TRPC7: variants seen among roughly 807,000 people sequenced by gnomAD.
The protein encoded by TRPC7 is transient receptor potential cation channel subfamily C member 7.
TRPC7 carries 42 observed loss-of-function variants against 90.1 expected under a neutral mutation model. The observed-to-expected ratio is 0.47, with a 90% CI of 0.36 to 0.60. TRPC7 has a LOEUF of 0.60. Among genes scored for constraint, TRPC7 ranks in the 20% least tolerant of loss-of-function variants. The pLI, the probability that TRPC7 is intolerant of heterozygous loss-of-function variation, is 0.00. For missense variants in TRPC7, 955 were observed against 1,112.3 expected, an observed-to-expected ratio of 0.86 and a Z score of 2.01; for synonymous variants, 451 against 436.3, an observed-to-expected ratio of 1.03 and a Z score of -0.42.
chr5:136,359,198 T>G (rs1418513757), intron 1 of TRPC7, among the ~76,000 whole-genome samples: 2 of 152,218 alleles, frequency 1.3e-5, no homozygotes, highest in Non-Finnish European at 2.9e-5. Flanking sequence ...TTTAGCTCCT[T>G]GGGGGCCGTA....
At chr5:136,310,274 T>C (rs1758783492) in intron 3 of TRPC7, among the ~76,000 whole-genome samples, 1 of 152,242 alleles carries the variant, frequency 6.6e-6, no homozygotes, top group Non-Finnish European at 1.5e-5. Flanking sequence ...CCTCATTTTT[T>C]AGCTTTAAGA....
At chr5:136,356,365 GCA>G (rs2149861216) in intron 2 of TRPC7, among the ~76,000 whole-genome samples, 2 of 152,272 alleles carry the variant, frequency 1.3e-5, no homozygotes, top group East Asian at 3.9e-4. Flanking sequence ...TTTACTGCAT[GCA>G]TTTGTACTCA....
chr5:136,222,577 C>G (rs1332205006), intron 10 of TRPC7, among the ~76,000 whole-genome samples: 1 of 152,226 alleles, frequency 6.6e-6, no homozygotes, highest in Non-Finnish European at 1.5e-5. Flanking sequence ...CAGATCCCCC[C>G]TCAAATTGTC....
intron 5 of TRPC7, among the ~76,000 whole-genome samples, chr5:136,257,459 G>A (rs1177061430): frequency 6.6e-6 from 1 of 152,130 alleles, no homozygotes; most frequent in African/African-American, 2.4e-5. Flanking sequence ...GGGATTGCAG[G>A]CATGAGCCAC....
intron 2 of TRPC7, among the ~76,000 whole-genome samples, chr5:136,319,420 C>T (rs1759123821): frequency 6.6e-6 from 1 of 152,140 alleles, no homozygotes; most frequent in Non-Finnish European, 1.5e-5. Flanking sequence ...CATCTTCTCC[C>T]TTTCCCTACT....
intron 6 of TRPC7, among the ~76,000 whole-genome samples, chr5:136,249,695 G>A (rs1172828640): frequency 1.3e-5 from 2 of 152,220 alleles, no homozygotes; most frequent in Non-Finnish European, 2.9e-5. Flanking sequence ...CTTGTAAAGA[G>A]TTGTGATGAG....
intron 2 of TRPC7, among the ~76,000 whole-genome samples, chr5:136,320,467 C>G (rs1042137228): frequency 2.0e-5 from 3 of 152,282 alleles, no homozygotes; most frequent in African/African-American, 7.2e-5. Flanking sequence ...CAAAGGCTCC[C>G]TATCCAAAGT....
intron 2 of TRPC7, among the ~76,000 whole-genome samples, chr5:136,338,857 T>C (rs1429239062): frequency 1.3e-5 from 2 of 152,004 alleles, no homozygotes; most frequent in African/African-American, 4.8e-5. Flanking sequence ...AACCATGAAT[T>C]GTTACCACTC....
At chr5:136,239,978 G>T (rs1359559107) in intron 7 of TRPC7, among the ~76,000 whole-genome samples, 1 of 152,146 alleles carries the variant, frequency 6.6e-6, no homozygotes, top group Non-Finnish European at 1.5e-5. Context: ...CACCCTTCAT[G>T]CAGTTGCCAC....
intron 5 of TRPC7, among the ~76,000 whole-genome samples, chr5:136,252,943 A>G (rs962196020): frequency 6.6e-6 from 1 of 152,208 alleles, no homozygotes; most frequent in Non-Finnish European, 1.5e-5. Context: ...CTAATAGTTG[A>G]TGAGTATCCT....
intron 3 of TRPC7, among the ~76,000 whole-genome samples, chr5:136,313,002 A>C (rs1482752423): frequency 8.0e-6 from 1 of 124,368 alleles, no homozygotes; most frequent in Non-Finnish European, 1.6e-5. Context: ...TTTTTAATAG[A>C]GACAGGGTCT....
At chr5:136,302,414 G>T (rs760149266) in intron 3 of TRPC7, among the ~76,000 whole-genome samples, 1 of 152,084 alleles carries the variant, frequency 6.6e-6, no homozygotes, top group African/African-American at 2.4e-5. Context: ...GGCAAGTCCC[G>T]CTTTTCTAGG....
intron 3 of TRPC7, chr5:136,314,065 A>G (rs1335324134): frequency 6.6e-6 from 1 of 152,244 alleles, no homozygotes; most frequent in Non-Finnish European, 1.5e-5. Context: ...CCCACATGCC[A>G]TGGACTGTTG....
chr5:136,334,521 C>T (rs1237142906), intron 2 of TRPC7, among the ~76,000 whole-genome samples: 1 of 152,206 alleles, frequency 6.6e-6, no homozygotes, highest in Non-Finnish European at 1.5e-5. Flanking sequence ...TCCTCTTTGT[C>T]ACCTCTGAGA....
chr5:136,242,240 C>T lies in TRPC7; in HGVS notation c.1844+5231G>A, dbSNP rs989977965. ...CGATTTTGTACTCTGAGAGCATAAA[C>T]CTTGTCTGAACATTTTTCCTTTCCT... On this transcript the variant is annotated intron_variant, in intron 7 of 11. Transcript: ENST00000513104. 3.9e-5 allele frequency among the ~76,000 whole-genome samples: 6 copies of T among 152,304 alleles called. No homozygotes were observed. The South Asian group carries it at 1.0e-3, about 26-fold the overall frequency.
At chr5:136,306,302 C>T (rs1377254996) in intron 3 of TRPC7, among the ~76,000 whole-genome samples, 1 of 152,148 alleles carries the variant, frequency 6.6e-6, no homozygotes, top group African/African-American at 2.4e-5. Context: ...TTTTTCAATT[C>T]ATACAAAACC....
chr5:136,269,174 G>T (rs185770933), intron 4 of TRPC7, among the ~76,000 whole-genome samples: 1 of 152,312 alleles, frequency 6.6e-6, no homozygotes, highest in East Asian at 1.9e-4. Flanking sequence ...CCCAAAAAAT[G>T]TGGGCTAAAG....
intron 5 of TRPC7, among the ~76,000 whole-genome samples, chr5:136,263,163 A>G (rs1265229333): frequency 6.6e-6 from 1 of 152,204 alleles, no homozygotes; most frequent in African/African-American, 2.4e-5. Context: ...GAGATATTCG[A>G]GCTCTGATCA....
At position 136,340,662 on chromosome 5, in the gene TRPC7, G is replaced by A. The variant is rs183200907; in HGVS notation, c.780+15946C>T. Reference sequence around the variant, plus strand: ...ACTGAAAAAACTCACAAATAAGAAAGCATAAAATTTGAATAAATTTTCCGT... The same window carrying A: ...ACTGAAAAAACTCACAAATAAGAAAACATAAAATTTGAATAAATTTTCCGT... On this transcript the variant is annotated intron_variant, in intron 2 of 11. Transcript: ENST00000513104. Among the ~76,000 whole-genome samples, 938 of 151,848 alleles carry A rather than the reference G, an allele frequency of 6.2e-3. 7 individuals carry two copies. The highest frequency in any genetic ancestry group is 9.7e-3 in the Non-Finnish European group (662 of 67,934).
Sources: gnomAD v4.1 joint callset for allele counts (sites outside exome capture counted in the v4.1 genomes callset) on GRCh38, gnomAD v4.1.1 for gene constraint, MANE v1.5 for transcripts, NCBI Gene and HGNC (gene_info 2026-07-23, HGNC 2026-07-21) for gene names.